The following GMDS variants were observed in gnomAD, a reference collection of about 807,000 sequenced individuals.
The protein encoded by GMDS is GDP-mannose 4,6 dehydratase.
Under a neutral mutation model 49.9 loss-of-function variants are expected in GMDS, and 20 were observed. The ratio of observed to expected loss-of-function variants is 0.40; its 90% CI spans 0.28 to 0.58. The LOEUF is 0.58. GMDS is among the 20% of genes least tolerant of loss of function. The probability of loss-of-function intolerance (pLI) is 0.42; values close to 1 mark genes in which losing one functional copy is unlikely to be tolerated. For synonymous variants in GMDS, 177 were observed against 178.6 expected, an observed-to-expected ratio of 0.99 and a Z score of 0.07; for missense variants, 362 against 481.4, an observed-to-expected ratio of 0.75 and a Z score of 2.32.
chr6:1,815,045 T>C (rs1007467064), intron 7 of GMDS, among the ~76,000 whole-genome samples: 8 of 152,332 alleles, frequency 5.3e-5, no homozygotes, highest in African/African-American at 1.9e-4. Flanking sequence ...AATCATGTTA[T>C]AAAACACCCC....
chr6:1,737,588 CACAT>C (rs983239366), intron 8 of GMDS, among the ~76,000 whole-genome samples: 9 of 148,272 alleles, frequency 6.1e-5, no homozygotes, highest in Admixed American at 1.3e-4. Context: ...AAAATACACA[CACAT>C]ACACACACCA....
intron 9 of GMDS, among the ~76,000 whole-genome samples, chr6:1,683,123 T>C (rs1050430386): frequency 3.9e-5 from 6 of 151,936 alleles, no homozygotes; most frequent in Admixed American, 3.3e-4. Flanking sequence ...TGGCTCTAGG[T>C]TTCTTTTGTT....
chr6:1,668,321 T>C (rs1764299465), intron 9 of GMDS, among the ~76,000 whole-genome samples: 1 of 152,348 alleles, frequency 6.6e-6, no homozygotes, highest in East Asian at 1.9e-4. Context: ...TAAACTCTTT[T>C]AGAAATGACT....
At chr6:1,649,357 T>A (rs1763582613) in intron 9 of GMDS, among the ~76,000 whole-genome samples, 1 of 152,218 alleles carries the variant, frequency 6.6e-6, no homozygotes, top group African/African-American at 2.4e-5. Context: ...GGTCAATGAC[T>A]TGCCTTTAGT....
chr6:2,119,031 T>C (rs540989235), intron 2 of GMDS, among the ~76,000 whole-genome samples: 27 of 152,300 alleles, frequency 1.8e-4, no homozygotes, highest in South Asian at 1.7e-3. Flanking sequence ...CTATCAAAGT[T>C]ACTTATGAAA....
chr6:2,058,913 C>T (rs1329820127), intron 4 of GMDS, among the ~76,000 whole-genome samples: 1 of 152,068 alleles, frequency 6.6e-6, no homozygotes, highest in Non-Finnish European at 1.5e-5. Context: ...GGCCGGGTGG[C>T]ACCTGTAATC....
chr6:1,826,716 T>C (rs1159099035), intron 7 of GMDS, among the ~76,000 whole-genome samples: 1 of 152,142 alleles, frequency 6.6e-6, no homozygotes, highest in Non-Finnish European at 1.5e-5. Flanking sequence ...AATCATTTCA[T>C]TTTAGAAGCC....
At chr6:1,743,996 T>C (rs1767389093) in intron 7 of GMDS, among the ~76,000 whole-genome samples, 1 of 152,192 alleles carries the variant, frequency 6.6e-6, no homozygotes, top group South Asian at 2.1e-4. Flanking sequence ...TTGGTTTGCG[T>C]CTCCCTAAGT....
At chr6:2,019,837 G>T (rs1338677528) in intron 4 of GMDS, among the ~76,000 whole-genome samples, 1 of 152,098 alleles carries the variant, frequency 6.6e-6, no homozygotes, top group Non-Finnish European at 1.5e-5. Context: ...CATCTACTAA[G>T]ACCATTATGT....
chr6:1,857,371 G>A (rs1043553729), intron 7 of GMDS, among the ~76,000 whole-genome samples: 2 of 152,150 alleles, frequency 1.3e-5, no homozygotes, highest in African/African-American at 4.8e-5. Flanking sequence ...CATGAATAAG[G>A]CTGGGGACAT....
rs576086395 is a variant in GMDS, at chr6:1,636,500, G to C, written c.988-11960C>G. On this transcript the variant is annotated intron_variant, in intron 9 of 10. Coordinates refer to ENST00000380815, the MANE Select transcript of GMDS (RefSeq NM_001500.4). ...TAACTGTTATACAAGGAAGCGTGCA[G>C]CATGAAGATCACTCACAAGATGATC... Among the ~76,000 whole-genome samples the C allele has an allele frequency of 3.9e-5, 6 of 152,338 alleles. No individual in the cohort carries two copies. The East Asian group carries it at 1.2e-3, about 29-fold the overall frequency.
At chr6:2,012,804 C>A (rs1282746782) in intron 4 of GMDS, among the ~76,000 whole-genome samples, 1 of 151,912 alleles carries the variant, frequency 6.6e-6, no homozygotes, top group Admixed American at 6.6e-5. Flanking sequence ...TAGAGGAGTC[C>A]CCACACTTTT....
At chr6:1,897,788 T>C (rs906454459) in intron 7 of GMDS, among the ~76,000 whole-genome samples, 1 of 152,252 alleles carries the variant, frequency 6.6e-6, no homozygotes, top group Non-Finnish European at 1.5e-5. Flanking sequence ...TACGTACTCA[T>C]TAACCAACCT....
chr6:1,788,275 G>A (rs1769398140), intron 7 of GMDS, among the ~76,000 whole-genome samples: 3 of 152,208 alleles, frequency 2.0e-5, no homozygotes, highest in Admixed American at 2.0e-4. Flanking sequence ...GGGCAGAATT[G>A]CACAGGTAAA....
At chr6:1,873,907 C>G (rs1051011476) in intron 7 of GMDS, among the ~76,000 whole-genome samples, 1 of 152,216 alleles carries the variant, frequency 6.6e-6, no homozygotes, top group Non-Finnish European at 1.5e-5. Flanking sequence ...TCCTCTTATA[C>G]CACACACTCG....
intron 4 of GMDS, among the ~76,000 whole-genome samples, chr6:2,006,520 T>C (rs990189534): frequency 1.3e-5 from 2 of 152,194 alleles, no homozygotes; most frequent in Non-Finnish European, 2.9e-5. Context: ...TCTAAATCTC[T>C]GCTCATAATT....
At chr6:1,915,842 C>G (rs777030477) in intron 7 of GMDS, among the ~76,000 whole-genome samples, 2 of 152,142 alleles carry the variant, frequency 1.3e-5, no homozygotes, top group East Asian at 3.8e-4. Context: ...ATTTTCAGTA[C>G]GCAATAAGGT....
At chr6:1,625,527 A>G (rs984883444) in intron 9 of GMDS, 5 of 152,216 alleles carry the variant, frequency 3.3e-5, no homozygotes, top group Non-Finnish European at 4.4e-5. Context: ...CCATCGACTT[A>G]AGAGGCTTCC....
chr6:1,861,690 T>C (rs1758194499), intron 7 of GMDS, among the ~76,000 whole-genome samples: 1 of 151,842 alleles, frequency 6.6e-6, no homozygotes, highest in Non-Finnish European at 1.5e-5. Flanking sequence ...AATGGGCTAA[T>C]TGGCTAGAGT....
Sources: allele counts gnomAD v4.1 joint callset (sites outside exome capture counted in the v4.1 genomes callset), GRCh38; gene constraint gnomAD v4.1.1; transcripts MANE v1.5; gene names NCBI Gene and HGNC (gene_info 2026-07-23, HGNC 2026-07-21).